PARD3B: variants seen among roughly 807,000 people sequenced by gnomAD.
PARD3B encodes partitioning defective 3 homolog B.
A neutral mutation model predicts 130.2 loss-of-function variants in PARD3B; 103 were observed. That is an observed-to-expected ratio of 0.79 (90% CI 0.67 to 0.93). PARD3B has a LOEUF of 0.93. Among genes scored for constraint, PARD3B ranks in the 40% least tolerant of loss-of-function variants. The pLI, the probability that PARD3B is intolerant of heterozygous loss-of-function variation, is 0.00. For synonymous variants in PARD3B, 583 were observed against 553.2 expected (o/e 1.05, Z -0.76); for missense variants, 1,609 against 1,499.2 (o/e 1.07, Z -1.21).
At chr2:205,130,235 A>G (rs1250125910) in intron 10 of PARD3B, among the ~76,000 whole-genome samples, 2 of 152,180 alleles carry the variant, frequency 1.3e-5, no homozygotes, top group African/African-American at 2.4e-5. Flanking sequence ...TAGTTTTGGT[A>G]ATAGATTTAG....
At chr2:204,951,648 C>T (rs1408567492) in intron 2 of PARD3B, among the ~76,000 whole-genome samples, 1 of 152,168 alleles carries the variant, frequency 6.6e-6, no homozygotes, top group East Asian at 1.9e-4. Flanking sequence ...ATGTTACCTA[C>T]ATGTAAATAA....
At chr2:205,331,813 A>G (rs2043145758) in intron 18 of PARD3B, among the ~76,000 whole-genome samples, 1 of 143,462 alleles carries the variant, frequency 7.0e-6, no homozygotes. Flanking sequence ...AAAGAAGTAG[A>G]GCATTTATAT....
At chr2:204,601,485 G>A (rs190253246) in intron 1 of PARD3B, among the ~76,000 whole-genome samples, 95 of 152,014 alleles carry the variant, frequency 6.2e-4, no homozygotes, top group Non-Finnish European at 1.6e-4. Flanking sequence ...TTGCTTAATT[G>A]AAGAATGATT....
At chr2:205,540,600 G>A (rs1020994518) in intron 21 of PARD3B, among the ~76,000 whole-genome samples, 2 of 152,042 alleles carry the variant, frequency 1.3e-5, no homozygotes, top group Non-Finnish European at 2.9e-5. Context: ...TTTCTAACCA[G>A]CTTCCTTTGT....
At chr2:205,186,595 T>A (rs867891642) in intron 14 of PARD3B, among the ~76,000 whole-genome samples, 6 of 152,208 alleles carry the variant, frequency 3.9e-5, no homozygotes, top group Non-Finnish European at 8.8e-5. Flanking sequence ...CTTGCAGCAA[T>A]GCTAGTGTCA....
chr2:204,863,755 A>T (rs16836682), intron 2 of PARD3B, among the ~76,000 whole-genome samples: 1 of 152,228 alleles, frequency 6.6e-6, no homozygotes, highest in Admixed American at 6.5e-5. Context: ...TGAAATTTGC[A>T]GTGCCTCAAA....
intron 4 of PARD3B, among the ~76,000 whole-genome samples, chr2:205,083,334 G>GAAAAAAAAAAAAAAAA (rs55665658): frequency 7.1e-6 from 1 of 140,070 alleles, no homozygotes. Context: ...TTTAAGAATA[G>GAAAAAAAAAAAAAAAA]AAAAAAAAAA....
rs954132913 is a variant in PARD3B, at chr2:204,623,614, A to G, written c.121-62567A>G. The stretch of plus-strand genomic sequence containing the variant: ...GAGATATATCCAAGTTGTTGCATGT[A>G]TCAATAATTCATTCCCTTTTTCTTT... On this transcript the variant is annotated intron_variant, in intron 1 of 22. Transcript: ENST00000406610. The surrounding 1 kb of genome is among the most constrained non-coding windows in gnomAD (Gnocchi z 4.5). 2.6e-5 allele frequency among the ~76,000 whole-genome samples: 4 copies of G among 152,146 alleles called. No homozygotes were observed. Among genetic ancestry groups the G allele is most frequent in the African/African-American group, 7.2e-5 (3 of 41,430 alleles).
intron 2 of PARD3B, among the ~76,000 whole-genome samples, chr2:204,766,009 A>G (rs193261541): frequency 3.9e-5 from 6 of 152,292 alleles, no homozygotes; most frequent in African/African-American, 1.4e-4. Flanking sequence ...ATTAATTTTA[A>G]AATTTTACTT....
Position 205,352,709 on chromosome 2 carries a change from CCTCATGCTTTGCACCTAAAGTGTG to C in PARD3B, c.2631-48298_2631-48275del, listed in dbSNP as rs2044039470. ...TCCATAGCCTTGCGTTTTACTCACC[CCTCATGCTTTGCACCTAAAGTGTG>C]CTCATAACTTTGCAGCCATGAGCCA... On this transcript the variant is annotated intron_variant, in intron 18 of 22. Coordinates refer to ENST00000406610, the MANE Select transcript of PARD3B (RefSeq NM_001302769.2). This position sits in a 1 kb window ranked among gnomAD's most constrained non-coding sequence, Gnocchi z 5.2. Among the ~76,000 whole-genome samples the C allele has an allele frequency of 6.6e-6, 1 of 152,096 alleles. No homozygotes were observed. Among genetic ancestry groups the C allele is most frequent in the African/African-American group, 2.4e-5 (1 of 41,408 alleles).
At chr2:205,254,112 AAGC>A in intron 16 of PARD3B, among the ~76,000 whole-genome samples, 1 of 148,150 alleles carries the variant, frequency 6.7e-6, no homozygotes, top group Non-Finnish European at 1.5e-5. Flanking sequence ...AAAAAAAAAA[AAGC>A]TGAGATGCTC....
intron 1 of PARD3B, among the ~76,000 whole-genome samples, chr2:204,636,460 G>T (rs928359135): frequency 6.8e-6 from 1 of 147,822 alleles, no homozygotes; most frequent in African/African-American, 2.6e-5. Context: ...GTGAGTGTGT[G>T]TGTGTGTGTG....
At chr2:205,556,086 C>T (rs2052870205) in intron 22 of PARD3B, among the ~76,000 whole-genome samples, 1 of 152,098 alleles carries the variant, frequency 6.6e-6, no homozygotes, top group South Asian at 2.1e-4. Flanking sequence ...ACCGCTGTCT[C>T]CTTTTGCCAG....
At chr2:205,362,803 C>T (rs1226162671) in intron 18 of PARD3B, among the ~76,000 whole-genome samples, 2 of 152,186 alleles carry the variant, frequency 1.3e-5, no homozygotes, top group Admixed American at 6.5e-5. Context: ...CCTAAAGTTA[C>T]AGGGTGCTGA....
At chr2:205,278,846 G>C (rs1218963040) in intron 16 of PARD3B, among the ~76,000 whole-genome samples, 2 of 151,902 alleles carry the variant, frequency 1.3e-5, no homozygotes, top group African/African-American at 4.8e-5. Flanking sequence ...AAGGCAGCTG[G>C]ATCACTTGAG....
intron 22 of PARD3B, among the ~76,000 whole-genome samples, chr2:205,603,673 C>A (rs1248520892): frequency 6.6e-6 from 1 of 152,112 alleles, no homozygotes; most frequent in Non-Finnish European, 1.5e-5. Context: ...AATTGCAACC[C>A]CTGCTTTTTT....
intron 10 of PARD3B, among the ~76,000 whole-genome samples, chr2:205,157,424 A>G (rs1201643600): frequency 6.6e-6 from 1 of 152,196 alleles, no homozygotes; most frequent in Non-Finnish European, 1.5e-5. Context: ...ATCTTCACAG[A>G]CAACTTCACT....
chr2:204,946,698 G>T, intron 2 of PARD3B, among the ~76,000 whole-genome samples: 1 of 152,128 alleles, frequency 6.6e-6, no homozygotes, highest in Non-Finnish European at 1.5e-5. Context: ...ATAAGGAATT[G>T]GCTCACATGA....
chr2:205,582,974 A>G (rs12617230), intron 22 of PARD3B, among the ~76,000 whole-genome samples: 27,631 of 152,116 alleles, frequency 0.18, 2,689 homozygotes, highest in East Asian at 0.33. Flanking sequence ...ATGGGTGCTT[A>G]TGGCAGGTGG....
Sources: gnomAD v4.1 joint callset for allele counts (sites outside exome capture counted in the v4.1 genomes callset) on GRCh38, gnomAD v4.1.1 for gene constraint, Gnocchi (gnomAD v3.1) non-coding constraint, MANE v1.5 for transcripts, NCBI Gene and HGNC (gene_info 2026-07-23, HGNC 2026-07-21) for gene names.